The following PODN variants were observed in gnomAD, a reference collection of about 807,000 sequenced individuals.
The protein encoded by PODN is podocan proteoglycan.
A neutral mutation model predicts 52.7 loss-of-function variants in PODN; 40 were observed. The observed-to-expected ratio is 0.76, with a 90% CI of 0.59 to 0.99. The LOEUF (loss-of-function observed/expected upper bound fraction) is 0.99. Among genes scored for constraint, PODN ranks in the 50% least tolerant of loss-of-function variants. The probability of loss-of-function intolerance (pLI) is 0.00; values close to 1 mark genes in which losing one functional copy is unlikely to be tolerated. For missense variants in PODN, 720 were observed against 815.1 expected (o/e 0.88, Z 1.42); for synonymous variants, 396 against 377.9 (o/e 1.05, Z -0.56).
Position 53,078,887 on chromosome 1 carries a change from G to A in PODN, c.1377G>A (p.Lys459=). 1.9e-6 allele frequency: 3 copies of A among 1,611,466 alleles called. No homozygotes were observed. The highest frequency in any genetic ancestry group is 2.5e-6 in the Non-Finnish European group (3 of 1,179,138). The part of the protein sequence containing the change: ...LPRNVHVLKV[K]RNELAALARG... ...GAAATGTCCATGTGCTGAAGGTCAA[G>A]CGCAATGAGCTGGCTGCCTTGGCAC... is the stretch of plus-strand genomic sequence containing the variant. The change falls in exon 8 of 11, where the codon AAG becomes AAA. Residue 459 remains lysine, a synonymous_variant. Transcript: ENST00000312553.
At chr1:53,071,464 G>A (rs1259783833) in intron 2 of PODN, 71 bp from the exon 3 acceptor site, 1 of 1,270,046 alleles carries the variant, frequency 7.9e-7, no homozygotes, top group Non-Finnish European at 1.1e-6. Context: ...TGGAGCTATG[G>A]GTAGGGAATG....
At chr1:53,074,732 A>C (rs1274139370) in intron 4 of PODN, 62 bp downstream of exon 4, 1 of 1,493,364 alleles carries the variant, frequency 6.7e-7, no homozygotes, top group Admixed American at 1.8e-5. Flanking sequence ...GTCTTCCCTG[A>C]GTTCCATGAA....
Position 53,079,039 on chromosome 1 carries a change from G to T in PODN, c.1512+17G>T. 1.3e-6 allele frequency: 2 copies of T among 1,507,042 alleles called. No individual in the cohort carries two copies. The allele number at this position is 1,507,042 out of a possible 1,614,324, so 93.4% of individuals were successfully genotyped here. A position where few individuals can be genotyped will look rare whatever the true frequency, so the allele number is the denominator to read the frequency against. On this transcript the variant is annotated intron_variant, in intron 8 of 10. Transcript: ENST00000312553. ...CATCTGCAGGTAAGCGGAAGGGAGG[G>T]GGCTGAGCCATGCCCATGGAGGGGG...
intron 2 of PODN, 192 bp from the exon 3 acceptor site, chr1:53,071,343 C>CCCATA: frequency 1.7e-6 from 1 of 584,464 alleles, no homozygotes; most frequent in South Asian, 2.2e-5. Flanking sequence ...GTGATCACTG[C>CCCATA]TGTGCCCCAG....
intron 10 of PODN, among the ~76,000 whole-genome samples, chr1:53,083,557 C>T (rs1032047707): frequency 7.9e-5 from 12 of 152,196 alleles, no homozygotes; most frequent in East Asian, 3.9e-4. Context: ...CCATGTCAGC[C>T]GGATCCCTCC....
chr1:53,062,848 C>T (rs1239838133), intron 1 of PODN, among the ~76,000 whole-genome samples: 1 of 152,258 alleles, frequency 6.6e-6, no homozygotes, highest in African/African-American at 2.4e-5. Flanking sequence ...GGGTGGGTCC[C>T]CTCCGGGGCT....
chr1:53,072,623 C>T (rs997179620), intron 3 of PODN, among the ~76,000 whole-genome samples: 1 of 152,226 alleles, frequency 6.6e-6, no homozygotes, highest in Non-Finnish European at 1.5e-5. Flanking sequence ...CTTTCTACTC[C>T]TTGGACTTGA....
At chr1:53,076,397 G>A (rs1240325654) in intron 5 of PODN, among the ~76,000 whole-genome samples, 3 of 152,136 alleles carry the variant, frequency 2.0e-5, no homozygotes, top group Admixed American at 6.5e-5. Context: ...CCATCCCTGC[G>A]TCTGCCATCT....
Position 53,070,159 on chromosome 1 carries a change from T to C in PODN, c.304T>C (p.Ser102Pro). The C allele has an allele frequency of 6.2e-7, 1 of 1,608,034 alleles. No homozygotes were observed. The highest frequency in any genetic ancestry group is 1.3e-5 in the African/African-American group (1 of 74,994). ...GDLPEHTNHL[S>P]LQNNQLEKIY... ...CCTGCCTGAGCACACCAACCACCTA[T>C]CTCTGCAGGTGAGGTCGGCGTTGCA... Residue 102 changes from serine to proline, a missense_variant, in exon 2 of 11, where the codon TCT (serine) becomes CCT (proline). Physicochemically the swap from Ser to Pro is moderately conservative, Grantham distance 74 (BLOSUM62 -1). Coordinates refer to ENST00000312553, the MANE Select transcript of PODN (RefSeq NM_153703.5).
At position 53,069,861 on chromosome 1, in the gene PODN, C is replaced by A; in HGVS notation, c.6C>A (p.Ala2=). 6.4e-7 allele frequency: 1 copy of A among 1,572,056 alleles called. No homozygotes were observed. The stretch of plus-strand genomic sequence containing the variant: ...CGGCACCCCCTGCAGGCACCATGGC[C>A]CAGAGCCGGGTGCTGCTGCTCCTGC... M[A]QSRVLLLLLL... Residue 2 remains alanine, a synonymous_variant, in exon 2 of 11, where the codon GCC becomes GCA. Coordinates refer to ENST00000312553, the MANE Select transcript of PODN (RefSeq NM_153703.5).
chr1:53,077,324 C>A lies in PODN; in HGVS notation c.716C>A (p.Ala239Asp), dbSNP rs1383559378. Residue 239 changes from alanine to aspartate, a missense_variant, in exon 6 of 11, where the codon GCC becomes GAC. By Grantham distance (126) the Ala-to-Asp change is moderately radical (BLOSUM62 -2). Transcript: ENST00000312553. ...LRHVPKHLPP[A>D]LYKLHLKNNK... ...CACGTGCCCAAGCACCTGCCGCCTG[C>A]CCTGTACAAGCTGCACCTCAAGGTG... 1 of 1,613,220 alleles carries A rather than the reference C, an allele frequency of 6.2e-7. No individual in the cohort carries two copies. Among genetic ancestry groups the A allele is most frequent in the East Asian group, 2.2e-5 (1 of 44,880 alleles).
In PODN at chr1:53,082,175, C is replaced by T; in HGVS notation, c.*14C>T. The T allele has an allele frequency of 1.3e-6, 2 of 1,584,138 alleles. No individual in the cohort carries two copies. The highest frequency in any genetic ancestry group is 2.3e-5 in the East Asian group (1 of 44,138). On this transcript the variant is annotated 3_prime_UTR_variant, in exon 10 of 11. Coordinates refer to ENST00000312553, the MANE Select transcript of PODN (RefSeq NM_153703.5). ...GAAACAAGATAGTGACAAGGTGATGCAGATGTGACCTAGGTATGTGGCCTG... is the reference window on the plus strand; with the variant it reads ...GAAACAAGATAGTGACAAGGTGATGTAGATGTGACCTAGGTATGTGGCCTG...
chr1:53,066,220 C>T (rs1412855918), intron 1 of PODN, among the ~76,000 whole-genome samples: 1 of 152,050 alleles, frequency 6.6e-6, no homozygotes, highest in African/African-American at 2.4e-5. Context: ...TGGTCTCAAA[C>T]TCCTGGGCTC....
rs780284767 is a variant in PODN at position 53,065,995 on chromosome 1, C to CTTTTTTTTTTTTT, written c.-56+3695_-56+3707dup. ...ATGCAATGCAAAATTTTCTAGAGGT[C>CTTTTTTTTTTTTT]TTTTTTTTTTTTTTTTTTTTGAGAC... is the stretch of plus-strand genomic sequence containing the variant. On this transcript the variant is annotated intron_variant, in intron 1 of 10. Coordinates refer to ENST00000312553, the MANE Select transcript of PODN (RefSeq NM_153703.5). 3.5e-5 allele frequency among the ~76,000 whole-genome samples: 4 copies of CTTTTTTTTTTTTT among 115,312 alleles called. 1 individual carries two copies. Among genetic ancestry groups the CTTTTTTTTTTTTT allele is most frequent in the African/African-American group, 1.5e-4 (4 of 27,030 alleles). 75.6% of individuals were successfully genotyped at this position (115,312 alleles called of 152,430 possible).
At chr1:53,077,625 G>A in intron 6 of PODN, 60 bp from the exon 7 acceptor site, 5 of 1,486,856 alleles carry the variant, frequency 3.4e-6, no homozygotes, top group Non-Finnish European at 4.6e-6. Flanking sequence ...CTCATCCCGA[G>A]GCCCTGACCT....
In PODN at chr1:53,079,053, C is replaced by T. The variant is rs1477434377; in HGVS notation, c.1512+31C>T. ...CGGAAGGGAGGGGGCTGAGCCATGC[C>T]CATGGAGGGGGGTACTGGCATGGCT... is the stretch of plus-strand genomic sequence containing the variant. On this transcript the variant is annotated intron_variant, in intron 8 of 10. Transcript: ENST00000312553. 8 of 1,485,312 alleles carry T rather than the reference C, an allele frequency of 5.4e-6. No homozygotes were observed. In the South Asian group the frequency reaches 6.7e-5, roughly 12 times the overall value. The allele number at this position is 1,485,312 out of a possible 1,614,324, so 92.0% of individuals were successfully genotyped here.
chr1:53,077,866 C>A, intron 7 of PODN, 66 bp downstream of exon 7: 1 of 1,350,714 alleles, frequency 7.4e-7, no homozygotes, highest in Admixed American at 1.8e-5. Context: ...TCAGGGCCAA[C>A]CATCCAGCCC....
chr1:53,064,244 G>A (rs564298467), intron 1 of PODN, among the ~76,000 whole-genome samples: 2 of 152,238 alleles, frequency 1.3e-5, no homozygotes, highest in Non-Finnish European at 2.9e-5. Flanking sequence ...GGAGACAGGG[G>A]AGGCCCAGCT....
rs1644179217 is a variant in PODN at position 53,075,401 on chromosome 1, C to T, written c.472-461C>T. ...CCAAGCCACAAATGGTGCCTCTGGG[C>T]CCTGAGCTTCCTCACCATGTCCAGT... On this transcript the variant is annotated intron_variant, in intron 4 of 10. Transcript: ENST00000312553. 1.3e-5 allele frequency among the ~76,000 whole-genome samples: 2 copies of T among 152,206 alleles called. 1 individual carries two copies. The highest frequency in any genetic ancestry group is 4.1e-4 in the South Asian group (2 of 4,826).
Sources: gnomAD v4.1 joint callset for allele counts (sites outside exome capture counted in the v4.1 genomes callset) on GRCh38, gnomAD v4.1.1 for gene constraint, MANE v1.5 for transcripts, NCBI Gene and HGNC (gene_info 2026-07-23, HGNC 2026-07-21) for gene names.